RCAN2: variants seen among roughly 807,000 people sequenced by gnomAD.
The protein encoded by RCAN2 is regulator of calcineurin 2.
Under a neutral mutation model 23.6 loss-of-function variants are expected in RCAN2, and 9 were observed. That is an observed-to-expected ratio of 0.38 (90% CI 0.23 to 0.67). The LOEUF is 0.67. RCAN2 is among the 30% of genes least tolerant of loss of function. RCAN2 has a pLI of 0.51. For synonymous variants in RCAN2, 109 were observed against 115.7 expected (o/e 0.94, Z 0.37); for missense variants, 273 against 302.3 (o/e 0.90, Z 0.72).
chr6:46,265,045 A>T (rs1182065524), intron 2 of RCAN2, among the ~76,000 whole-genome samples: 2 of 152,110 alleles, frequency 1.3e-5, no homozygotes, highest in African/African-American at 4.8e-5. Context: ...CACCCCTTTC[A>T]GTGCATCTCA....
intron 2 of RCAN2, among the ~76,000 whole-genome samples, chr6:46,384,245 C>T (rs886301903): frequency 1.3e-5 from 2 of 152,222 alleles, no homozygotes; most frequent in Non-Finnish European, 1.5e-5. Flanking sequence ...CTTCTCAGCT[C>T]TTCTAGCAGC....
At chr6:46,438,239 C>T (rs1019818170) in intron 2 of RCAN2, 4 of 152,152 alleles carry the variant, frequency 2.6e-5, no homozygotes, top group Admixed American at 6.5e-5. Context: ...AGGTACAAGG[C>T]GTAGCTTAAA....
At chr6:46,388,253 A>AAAT (rs574565168) in intron 2 of RCAN2, among the ~76,000 whole-genome samples, 33 of 151,502 alleles carry the variant, frequency 2.2e-4, no homozygotes, top group East Asian at 3.9e-4. Flanking sequence ...GAAGTATAAT[A>AAAT]AATAATAATA....
chr6:46,303,682 T>C (rs1762981148), intron 2 of RCAN2, among the ~76,000 whole-genome samples: 2 of 152,140 alleles, frequency 1.3e-5, no homozygotes, highest in East Asian at 3.9e-4. Flanking sequence ...TTGACCATTA[T>C]TCTGACTTCT....
At chr6:46,227,508 T>G (rs1399929380) in intron 4 of RCAN2, among the ~76,000 whole-genome samples, 5 of 151,634 alleles carry the variant, frequency 3.3e-5, no homozygotes, top group South Asian at 2.1e-4. Flanking sequence ...TCTGTTTAAG[T>G]CTTGGGAGGG....
chr6:46,481,749 G>A (rs189868039), intron 1 of RCAN2, among the ~76,000 whole-genome samples: 65 of 143,370 alleles, frequency 4.5e-4, no homozygotes, highest in Middle Eastern at 3.5e-3. Flanking sequence ...CTAATAAGTA[G>A]CCATAAAAAG....
chr6:46,224,165 T>G (rs1428520098), intron 4 of RCAN2, among the ~76,000 whole-genome samples: 1 of 152,134 alleles, frequency 6.6e-6, no homozygotes, highest in African/African-American at 2.4e-5. Context: ...GCAGCTGATC[T>G]GGGTCTAAAA....
chr6:46,256,136 G>A (rs1004600456), intron 2 of RCAN2, among the ~76,000 whole-genome samples: 39 of 152,190 alleles, frequency 2.6e-4, no homozygotes, highest in African/African-American at 8.2e-4. Flanking sequence ...TTGGGAGGCC[G>A]AGGCAGGAGG....
chr6:46,464,058 T>G (rs749317329), intron 1 of RCAN2, among the ~76,000 whole-genome samples: 1 of 152,188 alleles, frequency 6.6e-6, no homozygotes, highest in East Asian at 1.9e-4. Context: ...CAGTTTTGAT[T>G]GAAAAACAAG....
intron 2 of RCAN2, among the ~76,000 whole-genome samples, chr6:46,292,864 C>T (rs1484055257): frequency 6.6e-6 from 1 of 152,062 alleles, no homozygotes; most frequent in Non-Finnish European, 1.5e-5. Flanking sequence ...TAACGCTATC[C>T]CTCCCCTAGC....
At chr6:46,328,748 C>T (rs1047326957) in intron 2 of RCAN2, among the ~76,000 whole-genome samples, 3 of 152,170 alleles carry the variant, frequency 2.0e-5, no homozygotes, top group Non-Finnish European at 4.4e-5. Flanking sequence ...GTAGCTGGGA[C>T]TACAGGCACG....
intron 2 of RCAN2, among the ~76,000 whole-genome samples, chr6:46,395,508 T>C (rs1174204158): frequency 6.6e-6 from 1 of 152,200 alleles, no homozygotes; most frequent in East Asian, 1.9e-4. Context: ...AAATAACACA[T>C]CTAATAGTAA....
chr6:46,275,778 A>G lies in RCAN2; in HGVS notation c.226-26882T>C, dbSNP rs184709987. Among the ~76,000 whole-genome samples the G allele has an allele frequency of 3.5e-3, 532 of 152,328 alleles. 3 individuals are homozygous for G. The highest frequency in any genetic ancestry group is 4.8e-3 in the Admixed American group (73 of 15,306). On this transcript the variant is annotated intron_variant, in intron 2 of 4. Coordinates refer to ENST00000371374, the MANE Select transcript of RCAN2 (RefSeq NM_001251974.2). The stretch of plus-strand genomic sequence containing the variant: ...AATTTCTCATGCTCTATCAGTGCAA[A>G]TGCCACATAAAAATTATCAGATGCG...
At chr6:46,276,824 C>A (rs961828065) in intron 2 of RCAN2, among the ~76,000 whole-genome samples, 1 of 152,188 alleles carries the variant, frequency 6.6e-6, no homozygotes, top group African/African-American at 2.4e-5. Context: ...CTTGATGGAG[C>A]CTTTGCTTCC....
chr6:46,365,246 C>T (rs182963509), intron 2 of RCAN2, among the ~76,000 whole-genome samples: 20 of 152,154 alleles, frequency 1.3e-4, no homozygotes, highest in Admixed American at 3.9e-4. Flanking sequence ...GAGGTCAAGG[C>T]GGGTGGATCA....
chr6:46,376,668 G>A (rs1286831049), intron 2 of RCAN2, among the ~76,000 whole-genome samples: 1 of 151,676 alleles, frequency 6.6e-6, no homozygotes, highest in Non-Finnish European at 1.5e-5. Context: ...CAGCCTGGGT[G>A]ACAGGACAGA....
In RCAN2 at chr6:46,456,889, A is replaced by G; in HGVS notation, c.88T>C (p.Cys30Arg). 1 of 1,550,694 alleles carries G rather than the reference A, an allele frequency of 6.4e-7. No homozygotes were observed. The highest frequency in any genetic ancestry group is 8.7e-7 in the Non-Finnish European group (1 of 1,146,994). Reference sequence around the variant, plus strand: ...GTGACAGCCCAGTCCCTGTCTATGCAGCACAGTAAGAAAAGTCCTCCATCT... The same window carrying G: ...GTGACAGCCCAGTCCCTGTCTATGCGGCACAGTAAGAAAAGTCCTCCATCT... ...PEDGGLFLLC[C>R]IDRDWAVTRC... The change falls in exon 2 of 5, where the codon TGC becomes CGC. Residue 30 changes from cysteine (C) to arginine (R), a missense_variant. By Grantham distance (180) the Cys-to-Arg change is radical. Transcript: ENST00000371374.
intron 2 of RCAN2, among the ~76,000 whole-genome samples, chr6:46,426,654 C>G (rs1205634858): frequency 6.6e-6 from 1 of 152,112 alleles, no homozygotes; most frequent in African/African-American, 2.4e-5. Context: ...CAAAACAGAT[C>G]TAGCATACAA....
intron 2 of RCAN2, among the ~76,000 whole-genome samples, chr6:46,283,625 T>C (rs1762273566): frequency 6.6e-6 from 1 of 152,172 alleles, no homozygotes; most frequent in Non-Finnish European, 1.5e-5. Context: ...CAAGATACTT[T>C]CTCTTTGTCC....
Sources: gnomAD v4.1 joint callset for allele counts (sites outside exome capture counted in the v4.1 genomes callset) on GRCh38, gnomAD v4.1.1 for gene constraint, MANE v1.5 for transcripts, NCBI Gene and HGNC (gene_info 2026-07-23, HGNC 2026-07-21) for gene names.